Variants in GIPC2 observed in about 807,000 individuals in gnomAD.
GIPC2 encodes the protein PDZ domain-containing protein GIPC2.
A neutral mutation model predicts 30.6 loss-of-function variants in GIPC2; 30 were observed. The observed-to-expected ratio is 0.98, with a 90% confidence interval of 0.73 to 1.33. The LOEUF is 1.33. Among genes scored for constraint, GIPC2 ranks in the 40% most tolerant of loss-of-function variants. GIPC2 has a pLI of 0.00. For synonymous variants in GIPC2, 167 were observed against 150.0 expected (o/e 1.11, Z -0.83); for missense variants, 414 against 390.3 (o/e 1.06, Z -0.51).
At chr1:78,130,324 G>A (rs1051000443) in intron 5 of GIPC2, among the ~76,000 whole-genome samples, 7 of 151,906 alleles carry the variant, frequency 4.6e-5, no homozygotes, top group African/African-American at 1.7e-4. Flanking sequence ...GGCTGGTCCC[G>A]AACTCCTGAC....
intron 1 of GIPC2, among the ~76,000 whole-genome samples, chr1:78,080,058 C>A (rs139966758): frequency 1.6e-3 from 241 of 151,754 alleles, no homozygotes; most frequent in African/African-American, 5.6e-3. Flanking sequence ...CTAAAACATA[C>A]TGATTTTAAC....
chr1:78,087,823 C>T (rs1219984524), intron 2 of GIPC2, among the ~76,000 whole-genome samples: 1 of 152,046 alleles, frequency 6.6e-6, no homozygotes, highest in Non-Finnish European at 1.5e-5. Flanking sequence ...AGTAAACAGA[C>T]AACCTACAGA....
chr1:78,071,676 A>G (rs1034252728), intron 1 of GIPC2, among the ~76,000 whole-genome samples: 2 of 151,458 alleles, frequency 1.3e-5, no homozygotes, highest in African/African-American at 4.9e-5. Context: ...AGCGCAAGTG[A>G]TCCTCCTACC....
chr1:78,051,629 A>G (rs1336490624), intron 1 of GIPC2, among the ~76,000 whole-genome samples: 2 of 151,992 alleles, frequency 1.3e-5, no homozygotes, highest in African/African-American at 4.8e-5. Context: ...CCTCCTGAGT[A>G]GCTGGGACTA....
At chr1:78,121,291 C>T (rs150175301) in intron 4 of GIPC2, among the ~76,000 whole-genome samples, 12 of 152,256 alleles carry the variant, frequency 7.9e-5, no homozygotes, top group African/African-American at 2.4e-4. Context: ...GATGGGATGT[C>T]GAGCAGGTGA....
At chr1:78,125,843 T>G in intron 4 of GIPC2, 38 bp from the exon 5 acceptor site, 1 of 1,104,308 alleles carries the variant, frequency 9.1e-7, no homozygotes, top group Non-Finnish European at 1.4e-6. Context: ...CAAGAGATTT[T>G]GTTGTATAAT....
At chr1:78,125,495 A>G (rs1662766115) in intron 4 of GIPC2, among the ~76,000 whole-genome samples, 3 of 152,086 alleles carry the variant, frequency 2.0e-5, no homozygotes, top group Admixed American at 6.5e-5. Context: ...CAGCCAAGTC[A>G]CCTTCTTTCT....
chr1:78,113,107 T>G (rs556170), intron 3 of GIPC2, among the ~76,000 whole-genome samples: 3 of 152,002 alleles, frequency 2.0e-5, no homozygotes, highest in African/African-American at 7.3e-5. Flanking sequence ...TGTACATTCT[T>G]TTATCACTCT....
At chr1:78,105,116 A>G (rs1277643888) in intron 3 of GIPC2, among the ~76,000 whole-genome samples, 1 of 152,188 alleles carries the variant, frequency 6.6e-6, no homozygotes, top group Non-Finnish European at 1.5e-5. Context: ...GGATACCTAA[A>G]TATAGATCCT....
At chr1:78,070,902 A>C (rs2100325067) in intron 1 of GIPC2, among the ~76,000 whole-genome samples, 1 of 152,312 alleles carries the variant, frequency 6.6e-6, no homozygotes, top group South Asian at 2.1e-4. Context: ...AAGGCTTGCC[A>C]CTGCTGACCC....
At position 78,126,443 on chromosome 1, in the gene GIPC2, A is replaced by AT. The variant is rs111791527; in HGVS notation, c.796+482dup. ...GCAGTTGAATTTCTGCGTATTTCTT[A>AT]TGTCATCATTAGGCTGTCAGGGTCT... On this transcript the variant is annotated intron_variant, in intron 5 of 5. Coordinates refer to ENST00000370759, the MANE Select transcript of GIPC2 (RefSeq NM_017655.6). Among the ~76,000 whole-genome samples, 731 of 152,276 alleles carry AT rather than the reference A, an allele frequency of 4.8e-3. 6 individuals carry two copies. The highest frequency in any genetic ancestry group is 0.017 in the African/African-American group (693 of 41,554).
At chr1:78,073,292 C>T (rs973471520) in intron 1 of GIPC2, among the ~76,000 whole-genome samples, 2 of 151,876 alleles carry the variant, frequency 1.3e-5, no homozygotes, top group Non-Finnish European at 2.9e-5. Flanking sequence ...TTAGTAGAGA[C>T]GGGGTTTCAC....
chr1:78,091,533 A>G (rs1662038722), intron 2 of GIPC2: 11 of 749,130 alleles, frequency 1.5e-5, no homozygotes, highest in Non-Finnish European at 2.7e-5. Context: ...CAGCCGTCCG[A>G]GGAGGACCTG....
chr1:78,122,751 C>G (rs1264311470), intron 4 of GIPC2, among the ~76,000 whole-genome samples: 2 of 152,220 alleles, frequency 1.3e-5, no homozygotes, highest in Non-Finnish European at 2.9e-5. Flanking sequence ...CTTGCATAAC[C>G]TCATACTTTA....
intron 3 of GIPC2, among the ~76,000 whole-genome samples, chr1:78,109,751 T>A (rs548456503): frequency 6.6e-6 from 1 of 152,066 alleles, no homozygotes; most frequent in Non-Finnish European, 1.5e-5. Flanking sequence ...TGAAATAAAA[T>A]TGGTCTTGAA....
At chr1:78,077,369 TA>T (rs1661735348) in intron 1 of GIPC2, among the ~76,000 whole-genome samples, 1 of 152,220 alleles carries the variant, frequency 6.6e-6, no homozygotes, top group African/African-American at 2.4e-5. Context: ...TTAGAAAATT[TA>T]AAATTATTTA....
At chr1:78,045,427 G>T, upstream of GIPC2, 1 of 295,862 alleles carries the variant, frequency 3.4e-6, no homozygotes, top group Non-Finnish European at 5.0e-6. Context: ...GACTAAGAAG[G>T]GCAGAGCTGG....
chr1:78,090,693 T>G (rs75775697), intron 2 of GIPC2, among the ~76,000 whole-genome samples: 1,705 of 152,294 alleles, frequency 0.011, 36 homozygotes, highest in African/African-American at 0.039. Flanking sequence ...TAGAACCACA[T>G]TTTAGAGTGA....
chr1:78,056,288 C>T (rs980893705), intron 1 of GIPC2, among the ~76,000 whole-genome samples: 2 of 152,048 alleles, frequency 1.3e-5, no homozygotes, highest in South Asian at 2.1e-4. Flanking sequence ...ACCACCTGGG[C>T]AACATGGTGA....
Sources: allele counts gnomAD v4.1 joint callset (sites outside exome capture counted in the v4.1 genomes callset), GRCh38; gene constraint gnomAD v4.1.1; transcripts MANE v1.5; gene names NCBI Gene and HGNC (gene_info 2026-07-23, HGNC 2026-07-21).